PXDN: variants seen among roughly 807,000 people sequenced by gnomAD.
The protein encoded by PXDN is peroxidasin homolog.
PXDN carries 77 observed loss-of-function variants against 140.3 expected under a neutral mutation model. The observed-to-expected ratio is 0.55, with a 90% confidence interval of 0.46 to 0.66. The LOEUF (loss-of-function observed/expected upper bound fraction) is 0.66. Among genes scored for constraint, PXDN ranks in the 30% least tolerant of loss-of-function variants. PXDN has a pLI of 0.00. For missense variants in PXDN, 1,838 were observed against 2,039.5 expected, an observed-to-expected ratio of 0.90 and a Z score of 1.90; for synonymous variants, 911 against 857.4, an observed-to-expected ratio of 1.06 and a Z score of -1.09.
chr2:1,648,168 T>C lies in PXDN; in HGVS notation c.3608+4A>G. ...AGCCATCCCACACAGCCTCTTCAGC[T>C]CACCTTTTCAGTTTCTCCCGGATCT... On this transcript the variant is annotated splice_donor_region_variant and intron_variant, in intron 17 of 22. Transcript: ENST00000252804. This position sits in a 1 kb window ranked among gnomAD's most constrained non-coding sequence, Gnocchi z 8.9. 1 of 1,609,848 alleles carries C rather than the reference T, an allele frequency of 6.2e-7. No individual in the cohort carries two copies. The highest frequency in any genetic ancestry group is 8.5e-7 in the Non-Finnish European group (1 of 1,176,662).
chr2:1,643,589 A>C lies in PXDN; in HGVS notation c.3744-13T>G, dbSNP rs577667960. On this transcript the variant is annotated splice_polypyrimidine_tract_variant and intron_variant, in intron 18 of 22. Transcript: ENST00000252804. The stretch of plus-strand genomic sequence containing the variant: ...CTCATACCACAACCTGGATCCCCCA[A>C]AATGAAAGCAGGATCAGAGAAGGGC... The C allele has an allele frequency of 5.1e-5, 83 of 1,613,140 alleles. No homozygotes were observed. In the Middle Eastern group the frequency reaches 1.3e-3, roughly 26 times the overall value.
intron 1 of PXDN, among the ~76,000 whole-genome samples, chr2:1,737,954 G>A (rs148659547): frequency 6.6e-4 from 100 of 152,352 alleles, no homozygotes; most frequent in Middle Eastern, 3.4e-3. Flanking sequence ...AAAGAAGCAT[G>A]CAGCCACCCA....
rs1049941922 is a variant in PXDN at position 1,651,406 on chromosome 2, C to T, written c.2105-1731G>A. ...ACTGGTTTGCCCACATCTGTCCTCA[C>T]CCCATGCAGAGTGGTCACCCAGCCC... On this transcript the variant is annotated intron_variant, in intron 16 of 22. Transcript: ENST00000252804. The surrounding 1 kb of genome is among the most constrained non-coding windows in gnomAD (Gnocchi z 4.4). Among the ~76,000 whole-genome samples, 5 of 152,210 alleles carry T rather than the reference C, an allele frequency of 3.3e-5. No homozygotes were observed. The highest frequency in any genetic ancestry group is 1.2e-4 in the African/African-American group (5 of 41,448).
rs1682654409 is a variant in PXDN at position 1,639,249 on chromosome 2, C to A, written c.4073+53G>T. On this transcript the variant is annotated intron_variant, in intron 20 of 22. Transcript: ENST00000252804. This position sits in a 1 kb window ranked among gnomAD's most constrained non-coding sequence, Gnocchi z 5.0. ...AGGATGCCGGTCCTACTGCCCGACG[C>A]CCGCGGTGCGAGGGCCCCTCTGCAC... The A allele has an allele frequency of 1.3e-6, 2 of 1,574,538 alleles. No homozygotes were observed.
In PXDN at chr2:1,675,068, C is replaced by A. The variant is rs183310744; in HGVS notation, c.849-1256G>T. Among the ~76,000 whole-genome samples the A allele has an allele frequency of 3.3e-5, 5 of 152,292 alleles. No individual in the cohort carries two copies. The East Asian group carries it at 9.7e-4, about 29-fold the overall frequency. ...CATGCTCTCCTCGCCTGGCACCAAT[C>A]CCCCAACTTGCAATCTGTCCTTACC... On this transcript the variant is annotated intron_variant, in intron 8 of 22. Coordinates refer to ENST00000252804, the MANE Select transcript of PXDN (RefSeq NM_012293.3).
chr2:1,680,109 G>A, intron 7 of PXDN, 84 bp downstream of exon 7: 1 of 1,427,528 alleles, frequency 7.0e-7, no homozygotes, highest in Non-Finnish European at 9.4e-7. Flanking sequence ...TGTGGATGTT[G>A]TGTGTGTAGA....
chr2:1,649,680 G>A lies in PXDN; in HGVS notation c.2105-5C>T, dbSNP rs115156744. ...CCAGGTCGTTGTAGTGGTAACCTGG[G>A]ACGTGGAGAAAAGCAAGACGCACTC... On this transcript the variant is annotated splice_polypyrimidine_tract_variant and splice_region_variant and intron_variant, in intron 16 of 22. Transcript: ENST00000252804. This position sits in a 1 kb window ranked among gnomAD's most constrained non-coding sequence, Gnocchi z 7.1. 1.7e-5 allele frequency: 28 copies of A among 1,613,720 alleles called. No individual in the cohort carries two copies. Among genetic ancestry groups the A allele is most frequent in the African/African-American group, 2.7e-5 (2 of 75,044 alleles).
intron 6 of PXDN, among the ~76,000 whole-genome samples, chr2:1,682,811 G>A (rs549258841): frequency 1.3e-5 from 2 of 152,054 alleles, no homozygotes; most frequent in African/African-American, 2.4e-5. Flanking sequence ...GTGGTCGCAC[G>A]CGCCTGTAAT....
Position 1,639,264 on chromosome 2 carries a change from C to T in PXDN, c.4073+38G>A, listed in dbSNP as rs758451536. ...CTGCCCGACGCCCGCGGTGCGAGGG[C>T]CCCTCTGCACATCATTTGACCTCAG... On this transcript the variant is annotated intron_variant, in intron 20 of 22. Coordinates refer to ENST00000252804, the MANE Select transcript of PXDN (RefSeq NM_012293.3). The surrounding 1 kb of genome is among the most constrained non-coding windows in gnomAD (Gnocchi z 5.0). 3 of 1,594,404 alleles carry T rather than the reference C, an allele frequency of 1.9e-6. No individual in the cohort carries two copies. Among genetic ancestry groups the T allele is most frequent in the Non-Finnish European group, 2.6e-6 (3 of 1,170,170 alleles).
chr2:1,709,516 C>T (rs983138839), intron 1 of PXDN, among the ~76,000 whole-genome samples: 5 of 152,102 alleles, frequency 3.3e-5, no homozygotes, highest in East Asian at 3.9e-4. Context: ...AAGGGACAGC[C>T]GGAGCCAGCT....
chr2:1,708,224 G>C (rs1451951936), intron 1 of PXDN, among the ~76,000 whole-genome samples: 1 of 152,202 alleles, frequency 6.6e-6, no homozygotes, highest in African/African-American at 2.4e-5. Flanking sequence ...CGCACCCTCT[G>C]TCCCTGCCAT....
In PXDN at chr2:1,648,593, T is replaced by TG; in HGVS notation, c.3186dup (p.Asn1063GlnfsTer49). On this transcript the variant is annotated frameshift_variant, in exon 17 of 23. Coordinates refer to ENST00000252804, the MANE Select transcript of PXDN (RefSeq NM_012293.3). LOFTEE classifies it high-confidence loss of function. This position sits in a 1 kb window ranked among gnomAD's most constrained non-coding sequence, Gnocchi z 8.9. ...CTGAAGGCCGCGGTGGCGAAGGCGT[T>TG]GAAGATGCCAGCATTGATGCCGGGG... 1 of 1,613,186 alleles carries TG rather than the reference T, an allele frequency of 6.2e-7. No homozygotes were observed. Among genetic ancestry groups the TG allele is most frequent in the Non-Finnish European group, 8.5e-7 (1 of 1,179,716 alleles).
In PXDN at chr2:1,648,593, TG is replaced by T; in HGVS notation, c.3186del (p.Phe1062LeufsTer48). ...GYDPGINAGI[F>X]NAFATAAFRF... Reference sequence around the variant, plus strand: ...CTGAAGGCCGCGGTGGCGAAGGCGTTGAAGATGCCAGCATTGATGCCGGGGT... The same window carrying T: ...CTGAAGGCCGCGGTGGCGAAGGCGTTAAGATGCCAGCATTGATGCCGGGGT... On this transcript the variant is annotated frameshift_variant, in exon 17 of 23. Coordinates refer to ENST00000252804, the MANE Select transcript of PXDN (RefSeq NM_012293.3). LOFTEE classifies it high-confidence loss of function. The surrounding 1 kb of genome is among the most constrained non-coding windows in gnomAD (Gnocchi z 8.9). The T allele has an allele frequency of 1.2e-6, 2 of 1,613,186 alleles. No individual in the cohort carries two copies. Among genetic ancestry groups the T allele is most frequent in the Non-Finnish European group, 1.7e-6 (2 of 1,179,716 alleles).
chr2:1,682,234 T>C (rs1270125585), intron 6 of PXDN, among the ~76,000 whole-genome samples: 11 of 152,200 alleles, frequency 7.2e-5, no homozygotes, highest in Admixed American at 7.2e-4. Flanking sequence ...TTCTAGAGCA[T>C]TTATCTGGTG....
intron 1 of PXDN, among the ~76,000 whole-genome samples, chr2:1,718,185 C>G (rs1241108534): frequency 6.6e-6 from 1 of 151,558 alleles, no homozygotes; most frequent in Non-Finnish European, 1.5e-5. Flanking sequence ...ACTACGCAAA[C>G]CTACTCTACT....
chr2:1,700,418 G>T (rs1684397971), intron 1 of PXDN, among the ~76,000 whole-genome samples: 1 of 151,996 alleles, frequency 6.6e-6, no homozygotes, highest in South Asian at 2.1e-4. Flanking sequence ...TGTTACCTAA[G>T]ATTTTTGATC....
rs573581402 is a variant in PXDN, at chr2:1,660,430, C to T, written c.1837+451G>A. Among the ~76,000 whole-genome samples, 7 of 152,292 alleles carry T rather than the reference C, an allele frequency of 4.6e-5. No individual in the cohort carries two copies. The East Asian group carries it at 1.2e-3, about 25-fold the overall frequency. On this transcript the variant is annotated intron_variant, in intron 14 of 22. Coordinates refer to ENST00000252804, the MANE Select transcript of PXDN (RefSeq NM_012293.3). This position sits in a 1 kb window ranked among gnomAD's most constrained non-coding sequence, Gnocchi z 4.6. ...GCTGCCTACGAGCACCTAGAGGTTCCCACTGAAAGATGCTTCCAGAGCATT... is the reference window on the plus strand; with the variant it reads ...GCTGCCTACGAGCACCTAGAGGTTCTCACTGAAAGATGCTTCCAGAGCATT...
chr2:1,659,632 T>G (rs1177553793), intron 14 of PXDN, among the ~76,000 whole-genome samples: 1 of 152,192 alleles, frequency 6.6e-6, no homozygotes, highest in Non-Finnish European at 1.5e-5. Context: ...TAATTCATGT[T>G]AAGGTAGCAT....
chr2:1,660,899 T>C lies in PXDN; in HGVS notation c.1819A>G (p.Met607Val), dbSNP rs769732129. 6.2e-7 allele frequency: 1 copy of C among 1,613,260 alleles called. No homozygotes were observed. The highest frequency in any genetic ancestry group is 1.1e-5 in the South Asian group (1 of 91,012). The change falls in exon 14 of 23, where the codon ATG (methionine) becomes GTG (valine). Residue 607 changes from methionine to valine, a missense_variant. Physicochemically the swap from Met to Val is conservative, Grantham distance 21 (BLOSUM62 1). Coordinates refer to ENST00000252804, the MANE Select transcript of PXDN (RefSeq NM_012293.3). The surrounding 1 kb of genome is among the most constrained non-coding windows in gnomAD (Gnocchi z 4.6). ...RNTIGSASVS[M>V]VLSVNVPDVS... ...ATCTTACCATTCACACTGAGCACCA[T>C]GCTCACCGAGGCCGACCCAATGGTG...
Sources: allele counts gnomAD v4.1 joint callset (sites outside exome capture counted in the v4.1 genomes callset), GRCh38; gene constraint gnomAD v4.1.1; non-coding constraint Gnocchi (gnomAD v3.1); transcripts MANE v1.5; gene names NCBI Gene and HGNC (gene_info 2026-07-23, HGNC 2026-07-21).